GRIK2: variants seen among roughly 807,000 people sequenced by gnomAD.
GRIK2 encodes glutamate receptor ionotropic, kainate 2.
Under a neutral mutation model 100.3 loss-of-function variants are expected in GRIK2, and 32 were observed. The ratio of observed to expected loss-of-function variants is 0.32; its 90% CI spans 0.24 to 0.43. GRIK2 has a LOEUF of 0.43. Ranked by LOEUF, GRIK2 falls within the 20% of genes least tolerant of loss-of-function variation. The probability of loss-of-function intolerance (pLI) is 1.00; values close to 1 mark genes in which losing one functional copy is unlikely to be tolerated. For missense variants in GRIK2, 843 were observed against 1,114.9 expected (o/e 0.76, Z 3.47); for synonymous variants, 417 against 389.4 (o/e 1.07, Z -0.83).
chr6:101,930,298 C>T (rs917367556), intron 14 of GRIK2, among the ~76,000 whole-genome samples: 1 of 150,668 alleles, frequency 6.6e-6, no homozygotes, highest in Non-Finnish European at 1.5e-5. Context: ...GCTAAGATGG[C>T]GACATAGCAC....
intron 4 of GRIK2, among the ~76,000 whole-genome samples, 181 bp downstream of exon 4, chr6:101,626,818 A>G (rs951953558): frequency 2.6e-5 from 4 of 152,128 alleles, no homozygotes; most frequent in African/African-American, 4.8e-5. Context: ...AAGAATACCT[A>G]TGTTGAATAC....
At chr6:101,581,620 T>G (rs1778102527) in intron 2 of GRIK2, among the ~76,000 whole-genome samples, 1 of 152,130 alleles carries the variant, frequency 6.6e-6, no homozygotes, top group Non-Finnish European at 1.5e-5. Context: ...GAGCATTAAC[T>G]ATACAACACT....
At chr6:101,524,001 C>T (rs557550604) in intron 2 of GRIK2, among the ~76,000 whole-genome samples, 28 of 152,268 alleles carry the variant, frequency 1.8e-4, no homozygotes, top group African/African-American at 6.0e-4. Flanking sequence ...GGATTACAGG[C>T]GTGAGCCACC....
chr6:101,611,966 A>T (rs1186853385), intron 2 of GRIK2, among the ~76,000 whole-genome samples: 1 of 151,942 alleles, frequency 6.6e-6, no homozygotes, highest in East Asian at 1.9e-4. Flanking sequence ...TGTTCAAAGA[A>T]ACAAAGTATT....
At chr6:101,854,794 A>G (rs1261251674) in intron 10 of GRIK2, among the ~76,000 whole-genome samples, 2 of 152,162 alleles carry the variant, frequency 1.3e-5, no homozygotes, top group African/African-American at 2.4e-5. Context: ...TAGGCATTGT[A>G]TTAGGCATGG....
chr6:101,446,237 A>G (rs1437134107), intron 2 of GRIK2, among the ~76,000 whole-genome samples: 1 of 151,934 alleles, frequency 6.6e-6, no homozygotes, highest in Non-Finnish European at 1.5e-5. Context: ...TTTATGAGGC[A>G]CCAAATTAAA....
chr6:101,691,762 C>A (rs984074003), intron 7 of GRIK2, among the ~76,000 whole-genome samples: 2 of 151,994 alleles, frequency 1.3e-5, no homozygotes, highest in Non-Finnish European at 2.9e-5. Context: ...AGACCACAGA[C>A]CCCAGACTTT....
chr6:101,588,163 T>G (rs1297732684), intron 2 of GRIK2, among the ~76,000 whole-genome samples: 2 of 152,010 alleles, frequency 1.3e-5, no homozygotes, highest in Non-Finnish European at 2.9e-5. Context: ...GTAAAGATCA[T>G]CAGAATGTAA....
intron 10 of GRIK2, among the ~76,000 whole-genome samples, chr6:101,827,687 GAA>G (rs1318830985): frequency 6.6e-6 from 1 of 151,856 alleles, no homozygotes; most frequent in Non-Finnish European, 1.5e-5. Context: ...AAAGTACAAA[GAA>G]TGACATTACA....
chr6:101,544,327 A>G (rs965602069), intron 2 of GRIK2, among the ~76,000 whole-genome samples: 2 of 152,196 alleles, frequency 1.3e-5, no homozygotes, highest in Non-Finnish European at 1.5e-5. Flanking sequence ...TGCATTCTAA[A>G]CATAAGTTTA....
At chr6:101,946,347 G>A (rs1443484446) in intron 14 of GRIK2, among the ~76,000 whole-genome samples, 2 of 151,746 alleles carry the variant, frequency 1.3e-5, no homozygotes, top group East Asian at 1.9e-4. Flanking sequence ...CTAAGCCTGG[G>A]CAACAACCCC....
chr6:101,887,182 T>C (rs562854507), intron 11 of GRIK2, among the ~76,000 whole-genome samples: 1 of 151,702 alleles, frequency 6.6e-6, no homozygotes, highest in African/African-American at 2.4e-5. Context: ...AAGAAGAGAG[T>C]GGATGTAGTA....
intron 2 of GRIK2, among the ~76,000 whole-genome samples, chr6:101,580,196 T>C (rs1406685109): frequency 6.6e-6 from 1 of 152,212 alleles, no homozygotes; most frequent in Non-Finnish European, 1.5e-5. Flanking sequence ...ACTTTCTCTA[T>C]GACATCTCAA....
intron 14 of GRIK2, among the ~76,000 whole-genome samples, chr6:101,978,284 A>ATTT (rs1793518954): frequency 1.3e-5 from 2 of 151,992 alleles, no homozygotes; most frequent in Admixed American, 1.3e-4. Context: ...TGTTATATGC[A>ATTT]CTTAATTATA....
rs1194200766 is a variant in GRIK2 at position 101,836,661 on chromosome 6, ATTTTTTTTTT to A, written c.1317+18191_1317+18200del. ...TGTATGTGTATATATATATATATAT[ATTTTTTTTTT>A]TTTTTTTTTTTTGAGACAGAGTCTC... On this transcript the variant is annotated intron_variant, in intron 10 of 16. Transcript: ENST00000369134. 9.5e-3 allele frequency among the ~76,000 whole-genome samples: 549 copies of A among 57,834 alleles called. 4 individuals are homozygous for A. The highest frequency in any genetic ancestry group is 0.012 in the Admixed American group (37 of 3,044). The allele number at this position is 57,834 out of a possible 152,430, so 37.9% of individuals were successfully genotyped here.
rs1374209240 is a variant in GRIK2 at position 101,818,423 on chromosome 6, A to G, written c.1257A>G (p.Gly419=). The G allele has an allele frequency of 4.3e-6, 7 of 1,612,466 alleles. No homozygotes were observed. The highest frequency in any genetic ancestry group is 1.3e-5 in the African/African-American group (1 of 75,022). ...TGAATATGACAGAAAGTCAAAAGGG[A>G]AAGCCAGCGAACATCACAGATTCCT... ...SGLNMTESQK[G]KPANITDSLS... The change falls in exon 10 of 17, where the codon GGA becomes GGG. Residue 419 remains glycine, a synonymous_variant. Transcript: ENST00000369134.
At chr6:101,776,708 G>C (rs1778769228) in intron 7 of GRIK2, among the ~76,000 whole-genome samples, 1 of 152,142 alleles carries the variant, frequency 6.6e-6, no homozygotes, top group Non-Finnish European at 1.5e-5. Context: ...AAATTTGTCA[G>C]TAACTTATAT....
At chr6:101,664,224 C>T (rs1423148443) in intron 4 of GRIK2, among the ~76,000 whole-genome samples, 1 of 152,082 alleles carries the variant, frequency 6.6e-6, no homozygotes, top group Non-Finnish European at 1.5e-5. Flanking sequence ...TTTTTATCTG[C>T]CCCATCTCAT....
At chr6:101,970,554 G>T (rs530189520) in intron 14 of GRIK2, among the ~76,000 whole-genome samples, 2 of 151,910 alleles carry the variant, frequency 1.3e-5, no homozygotes, top group Non-Finnish European at 2.9e-5. Context: ...GACAGGGGTG[G>T]TAATTTCCAA....
Sources: gnomAD v4.1 joint callset for allele counts (sites outside exome capture counted in the v4.1 genomes callset) on GRCh38, gnomAD v4.1.1 for gene constraint, MANE v1.5 for transcripts, NCBI Gene and HGNC (gene_info 2026-07-23, HGNC 2026-07-21) for gene names.